Variants in EPG5 observed in about 807,000 individuals in gnomAD.
EPG5 encodes ectopic P granules protein 5 homolog.
A neutral mutation model predicts 302.7 loss-of-function variants in EPG5; 159 were observed. The ratio of observed to expected loss-of-function variants is 0.53; its 90% confidence interval spans 0.46 to 0.60. The LOEUF (loss-of-function observed/expected upper bound fraction) is 0.60. Among genes scored for constraint, EPG5 ranks in the 20% least tolerant of loss-of-function variants. The pLI is 0.00. For missense variants in EPG5, 2,896 were observed against 3,092.4 expected (o/e 0.94, Z 1.51); for synonymous variants, 1,158 against 1,136.8 (o/e 1.02, Z -0.37).
chr18:45,950,409 A>G (rs2050881404), intron 4 of EPG5, among the ~76,000 whole-genome samples: 1 of 152,198 alleles, frequency 6.6e-6, no homozygotes, highest in African/African-American at 2.4e-5. Context: ...ATGATAGTGA[A>G]TAAGTCTCAC....
chr18:45,882,385 G>A lies in EPG5; in HGVS notation c.5407C>T (p.Pro1803Ser). The change falls in exon 31 of 44, where the codon CCA becomes TCA. Residue 1803 changes from proline to serine, a missense_variant. Transcript: ENST00000282041. ...AATGGCATCAAAATATCCTCATCTG[G>A]TTCAAGGCCCCAGGCAGTAAGTGCC... ...HLALTAWGLE[P>S]DEDILMPFNL... The A allele has an allele frequency of 6.2e-7, 1 of 1,614,160 alleles. No individual in the cohort carries two copies. Among genetic ancestry groups the A allele is most frequent in the Non-Finnish European group, 8.5e-7 (1 of 1,180,020 alleles).
intron 24 of EPG5, among the ~76,000 whole-genome samples, chr18:45,905,975 C>T (rs539851329): frequency 1.3e-5 from 2 of 152,304 alleles, no homozygotes; most frequent in African/African-American, 4.8e-5. Flanking sequence ...GCCCTATACT[C>T]TCAGTCTTAT....
At chr18:45,811,535 G>A in the EPG5 span, among the ~76,000 whole-genome samples, 7,414 of 152,096 alleles carry the variant, frequency 0.049, 359 homozygotes, top group African/African-American at 0.13. Context: ...CTGGCAAACC[G>A]AATCCAGCAG....
chr18:45,858,399 G>T (rs2048562171), intron 41 of EPG5, among the ~76,000 whole-genome samples, 167 bp downstream of exon 41: 1 of 152,206 alleles, frequency 6.6e-6, no homozygotes, highest in South Asian at 2.1e-4. Context: ...CTGCTCAGAA[G>T]ATTAGCCTAT....
chr18:45,964,191 T>TTC lies in EPG5; in HGVS notation c.63+2985_63+2986insGA, dbSNP rs147973084. ...GATTTTTAACTTTTTAATTTAGAAA[T>TTC]TGTTTTAAACAAAATAAATTAAGAG... On this transcript the variant is annotated intron_variant, in intron 1 of 43. Transcript: ENST00000282041. Among the ~76,000 whole-genome samples, 1,061 of 152,340 alleles carry TTC rather than the reference T, an allele frequency of 7.0e-3. 9 individuals are homozygous for TTC. The highest frequency in any genetic ancestry group is 0.024 in the African/African-American group (997 of 41,584).
At chr18:45,910,795 T>C in intron 22 of EPG5, 53 bp from the exon 23 acceptor site, 5 of 1,448,856 alleles carry the variant, frequency 3.5e-6, no homozygotes, top group Non-Finnish European at 4.8e-6. Flanking sequence ...ATGTACTTTC[T>C]GTATGGCATA....
intron 30 of EPG5, among the ~76,000 whole-genome samples, chr18:45,884,062 A>T (rs974639116): frequency 1.3e-5 from 2 of 152,108 alleles, no homozygotes; most frequent in South Asian, 2.1e-4. Context: ...GATAAATTTT[A>T]AAAAAGGATG....
At chr18:45,831,045 G>A in the EPG5 span, among the ~76,000 whole-genome samples, 5,302 of 152,298 alleles carry the variant, frequency 0.035, 206 homozygotes, top group Admixed American at 0.11. Flanking sequence ...ACGCCAGAGA[G>A]CTATGGCAAC....
At chr18:45,860,082 G>T in intron 40 of EPG5, 22 bp downstream of exon 40, 2 of 1,613,546 alleles carry the variant, frequency 1.2e-6, no homozygotes, top group Non-Finnish European at 1.7e-6. Context: ...ATACAATGGA[G>T]CGTAAGATGA....
chr18:45,837,649 G>A, the EPG5 span: 27 of 1,505,264 alleles, frequency 1.8e-5, no homozygotes, highest in African/African-American at 4.3e-5. Flanking sequence ...TCTGGCGCGC[G>A]GGCGAGCCCT....
At position 45,860,198 on chromosome 18, in the gene EPG5, C is replaced by T. The variant is rs576453743; in HGVS notation, c.6915G>A (p.Val2305=). 1.2e-6 allele frequency: 2 copies of T among 1,614,216 alleles called. No individual in the cohort carries two copies. The highest frequency in any genetic ancestry group is 1.1e-5 in the South Asian group (1 of 91,080). The change falls in exon 40 of 44, where the codon GTG becomes GTA. Residue 2305 remains valine (V), a synonymous_variant. Transcript: ENST00000282041. ...GGCAGGCTGCTGTTAAAAGGGGCAG[C>T]ACCACCAGCCCATGCATTTTTTGGC... ...WIGQKMHGLV[V]LPLLTAACQS...
chr18:45,901,204 G>C (rs376974665), intron 25 of EPG5, 37 bp from the exon 26 acceptor site: 2 of 1,570,266 alleles, frequency 1.3e-6, no homozygotes, highest in African/African-American at 1.3e-5. Flanking sequence ...TGAGCAATCA[G>C]GTGAATTAGC....
Position 45,860,220 on chromosome 18 carries a change from T to C in EPG5, c.6893A>G (p.Gln2298Arg). Residue 2298 changes from glutamine (Q) to arginine (R), a missense_variant, in exon 40 of 44, where the codon CAA becomes CGA. This residue lies in a region of EPG5 where 620 missense variants were observed against 704.2 expected (regional missense o/e 0.88). Coordinates refer to ENST00000282041, the MANE Select transcript of EPG5 (RefSeq NM_020964.3). The stretch of plus-strand genomic sequence containing the variant: ...CAGCACCACCAGCCCATGCATTTTT[T>C]GGCCAATCCAGGTCCGGATACTGCC... ...LRGSIRTWIG[Q>R]KMHGLVVLPL... 6.2e-7 allele frequency: 1 copy of C among 1,614,274 alleles called. No individual in the cohort carries two copies.
Position 45,849,658 on chromosome 18 carries a change from G to A in EPG5, c.*2809C>T, listed in dbSNP as rs2048399591. The A allele has an allele frequency of 6.6e-6, 1 of 152,248 alleles. No homozygotes were observed. The highest frequency in any genetic ancestry group is 1.5e-5 in the Non-Finnish European group (1 of 68,100). The allele number at this position is 152,248 out of a possible 1,614,324, so 9.4% of individuals were successfully genotyped here. ...GAAAGGAAGTTAGGCTGGTCTATGGGTTTTCATTTTCTGGACTAGGCTTTC... is the reference window on the plus strand; with the variant it reads ...GAAAGGAAGTTAGGCTGGTCTATGGATTTTCATTTTCTGGACTAGGCTTTC... On this transcript the variant is annotated 3_prime_UTR_variant, in exon 44 of 44. Coordinates refer to ENST00000282041, the MANE Select transcript of EPG5 (RefSeq NM_020964.3).
chr18:45,826,440 G>T, the EPG5 span, among the ~76,000 whole-genome samples: 1 of 152,168 alleles, frequency 6.6e-6, no homozygotes, highest in South Asian at 2.1e-4. Context: ...CAGGTTCTTT[G>T]GCTCCACCCC....
Position 45,857,924 on chromosome 18 carries a change from C to T in EPG5, c.7371G>A (p.Val2457=), listed in dbSNP as rs1292285233. The change falls in exon 42 of 44, where the codon GTG becomes GTA. Residue 2457 remains valine, a synonymous_variant. Coordinates refer to ENST00000282041, the MANE Select transcript of EPG5 (RefSeq NM_020964.3). ...LLLVQSRQNL[V]AEERLSSGIL... is the part of the protein sequence containing the mutation. ...TCCCAGAGCTGAGTCTCTCCTCAGC[C>T]ACGAGGTTCTGCCTGCTCTGAACCA... The T allele has an allele frequency of 6.2e-7, 1 of 1,612,814 alleles. No homozygotes were observed. The highest frequency in any genetic ancestry group is 1.1e-5 in the South Asian group (1 of 90,998).
chr18:45,935,577 A>G (rs1217334960), intron 10 of EPG5, among the ~76,000 whole-genome samples: 2 of 151,068 alleles, frequency 1.3e-5, no homozygotes, highest in Non-Finnish European at 2.9e-5. Context: ...GGATATTAGC[A>G]CCAATGCACA....
chr18:45,874,866 G>C (rs1230928034), intron 35 of EPG5, among the ~76,000 whole-genome samples: 2 of 152,226 alleles, frequency 1.3e-5, no homozygotes, highest in African/African-American at 4.8e-5. Context: ...GAGGAAGCCA[G>C]AGTGTTAAAC....
the EPG5 span, among the ~76,000 whole-genome samples, chr18:45,814,782 G>C: frequency 3.9e-5 from 6 of 152,186 alleles, no homozygotes; most frequent in Non-Finnish European, 7.3e-5. Context: ...AGACTCTCTG[G>C]CCAGGTGTTT....
Sources: gnomAD v4.1 joint callset for allele counts (sites outside exome capture counted in the v4.1 genomes callset) on GRCh38, gnomAD v4.1.1 for gene constraint, gnomAD v4.1.1 regional missense constraint, MANE v1.5 for transcripts, NCBI Gene and HGNC (gene_info 2026-07-23, HGNC 2026-07-21) for gene names.